Variants in SLC16A5 observed in about 807,000 individuals in gnomAD.
The protein encoded by SLC16A5 is monocarboxylate transporter 6.
Under a neutral mutation model 33.2 loss-of-function variants are expected in SLC16A5, and 29 were observed. The ratio of observed to expected loss-of-function variants is 0.87; its 90% CI spans 0.65 to 1.19. SLC16A5 has a LOEUF of 1.19. Ranked by LOEUF, SLC16A5 falls within the 50% of genes most tolerant of loss-of-function variation. The probability of loss-of-function intolerance (pLI) is 0.00; values close to 1 mark genes in which losing one functional copy is unlikely to be tolerated. For missense variants in SLC16A5, 606 were observed against 678.2 expected (o/e 0.89, Z 1.18); for synonymous variants, 248 against 284.1 (o/e 0.87, Z 1.28).
intron 3 of SLC16A5, among the ~76,000 whole-genome samples, chr17:75,097,012 G>A (rs1180079501): frequency 2.6e-5 from 4 of 151,168 alleles, no homozygotes; most frequent in South Asian, 2.1e-4. Context: ...TTTTAGTAGA[G>A]ATGGGGTTTC....
intron 4 of SLC16A5, among the ~76,000 whole-genome samples, chr17:75,098,964 G>C (rs929006178): frequency 1.3e-5 from 2 of 152,100 alleles, no homozygotes; most frequent in African/African-American, 4.8e-5. Context: ...TAGCAGGGCA[G>C]GCAAGGCATG....
intron 3 of SLC16A5, among the ~76,000 whole-genome samples, chr17:75,094,498 C>T (rs1342985947): frequency 6.6e-6 from 1 of 152,086 alleles, no homozygotes; most frequent in African/African-American, 2.4e-5. Context: ...ACCAGCCTGA[C>T]CAACATGGAG....
In SLC16A5 at chr17:75,100,829, G is replaced by A. The variant is rs1330694966; in HGVS notation, c.1153+13G>A. 8 of 1,562,968 alleles carry A rather than the reference G, an allele frequency of 5.1e-6. No individual in the cohort carries two copies. The highest frequency in any genetic ancestry group is 1.4e-5 in the African/African-American group (1 of 73,748). On this transcript the variant is annotated intron_variant, in intron 5 of 6. Transcript: ENST00000329783. Reference sequence around the variant, plus strand: ...CCACCACTGGCCGGTGAGGAGCTGGGAGGGAGGGCAGCCAGATAGTGTGGT... The same window carrying A: ...CCACCACTGGCCGGTGAGGAGCTGGAAGGGAGGGCAGCCAGATAGTGTGGT...
Position 75,096,147 on chromosome 17 carries a change from T to A in SLC16A5, c.200-1891T>A, listed in dbSNP as rs138708736. 2.0e-3 allele frequency among the ~76,000 whole-genome samples: 297 copies of A among 151,962 alleles called. 2 individuals carry two copies. In the South Asian group the frequency reaches 0.026, roughly 13 times the overall value. Reference sequence around the variant, plus strand: ...TTTAAACACGATGAATCATGGATACTTTCACTGATCCTTTCAAGTGCCCCT... The same window carrying A: ...TTTAAACACGATGAATCATGGATACATTCACTGATCCTTTCAAGTGCCCCT... On this transcript the variant is annotated intron_variant, in intron 3 of 6. Transcript: ENST00000329783.
intron 6 of SLC16A5, 181 bp from the exon 7 acceptor site, chr17:75,105,699 G>A: frequency 3.0e-6 from 3 of 985,436 alleles, no homozygotes; most frequent in Non-Finnish European, 3.6e-6. Context: ...GTTCCCTGCA[G>A]CAGGTCATAA....
At chr17:75,102,923 G>A (rs1188919212) in intron 5 of SLC16A5, among the ~76,000 whole-genome samples, 2 of 150,686 alleles carry the variant, frequency 1.3e-5, no homozygotes, top group African/African-American at 2.5e-5. Context: ...ACAGAGTCTC[G>A]CTCTATTGCC....
At chr17:75,101,873 G>A (rs1464547667) in intron 5 of SLC16A5, among the ~76,000 whole-genome samples, 1 of 152,114 alleles carries the variant, frequency 6.6e-6, no homozygotes, top group East Asian at 1.9e-4. Flanking sequence ...AGGCTCAAGT[G>A]ATCTGCCTCC....
At chr17:75,090,986 A>G (rs558444334) in intron 2 of SLC16A5, among the ~76,000 whole-genome samples, 1 of 152,356 alleles carries the variant, frequency 6.6e-6, no homozygotes, top group African/African-American at 2.4e-5. Flanking sequence ...AGACTTCTCC[A>G]TAGACTTCTT....
chr17:75,105,841 C>T (rs1233044503), intron 6 of SLC16A5, 39 bp from the exon 7 acceptor site: 13 of 1,526,484 alleles, frequency 8.5e-6, no homozygotes, highest in African/African-American at 1.4e-5. Flanking sequence ...CCAGGCTCCG[C>T]AAGAAAACCT....
intron 3 of SLC16A5, among the ~76,000 whole-genome samples, chr17:75,094,732 C>G (rs2073693277): frequency 6.6e-6 from 1 of 151,312 alleles, no homozygotes; most frequent in African/African-American, 2.4e-5. Context: ...AGGCAGGAGC[C>G]CCAGCTCTCC....
chr17:75,100,266 A>G lies in SLC16A5; in HGVS notation c.603A>G (p.Lys201=). 1 of 1,614,184 alleles carries G rather than the reference A, an allele frequency of 6.2e-7. No homozygotes were observed. Among genetic ancestry groups the G allele is most frequent in the Non-Finnish European group, 8.5e-7 (1 of 1,180,024 alleles). The change falls in exon 5 of 7, where the codon AAA becomes AAG. Residue 201 remains lysine (K), a synonymous_variant. Coordinates refer to ENST00000329783, the MANE Select transcript of SLC16A5 (RefSeq NM_004695.4). Reference sequence around the variant, plus strand: ...CCACCAGTGTGGCCCCTGAGACCAAAGAATGTCCCCCGCCACCTCCCGAGA... The same window carrying G: ...CCACCAGTGTGGCCCCTGAGACCAAGGAATGTCCCCCGCCACCTCCCGAGA... ...PVATSVAPET[K]ECPPPPPETP... is the part of the protein sequence containing the mutation.
intron 3 of SLC16A5, among the ~76,000 whole-genome samples, chr17:75,094,418 G>A (rs912701794): frequency 1.3e-5 from 2 of 152,226 alleles, no homozygotes; most frequent in African/African-American, 4.8e-5. Flanking sequence ...CGGGCGCGAT[G>A]GCTTACGCCT....
chr17:75,110,134 T>C (rs1252539923), downstream of SLC16A5: 2 of 680,280 alleles, frequency 2.9e-6, no homozygotes, highest in African/African-American at 3.6e-5. Context: ...CAGCTGCAAA[T>C]TACTGCAGAA....
At position 75,093,580 on chromosome 17, in the gene SLC16A5, C is replaced by T. The variant is rs192488829; in HGVS notation, c.-48-9C>T. ...CTGACCACCAGGCTCCATTCTGTCC[C>T]CTCCCCAGGCAGCAGCCACATTGGC... On this transcript the variant is annotated splice_polypyrimidine_tract_variant and intron_variant, in intron 2 of 6. Coordinates refer to ENST00000329783, the MANE Select transcript of SLC16A5 (RefSeq NM_004695.4). 2.6e-3 allele frequency: 4,143 copies of T among 1,568,158 alleles called. 91 individuals carry two copies. The African/African-American group carries it at 0.048, about 18-fold the overall frequency.
Position 75,100,007 on chromosome 17 carries a change from G to A in SLC16A5, c.344G>A (p.Gly115Asp). The stretch of plus-strand genomic sequence containing the variant: ...GCTGGTTTCCCCTCTTGCCCCGCAG[G>A]CCTGGGCATGTGCTTCAGCTTCCAG... ...QLYFTAGFIT[G>D]LGMCFSFQSS... Residue 115 changes from glycine (G) to aspartate (D), a missense_variant and splice_region_variant, in exon 5 of 7, where the codon GGC becomes GAC. Physicochemically the swap from Gly to Asp is moderately conservative, Grantham distance 94. Coordinates refer to ENST00000329783, the MANE Select transcript of SLC16A5 (RefSeq NM_004695.4). 6.2e-7 allele frequency: 1 copy of A among 1,608,430 alleles called. No homozygotes were observed. Among genetic ancestry groups the A allele is most frequent in the African/African-American group, 1.3e-5 (1 of 75,042 alleles).
intron 2 of SLC16A5, among the ~76,000 whole-genome samples, chr17:75,091,894 G>T (rs761466707): frequency 6.6e-6 from 1 of 152,162 alleles, no homozygotes; most frequent in Non-Finnish European, 1.5e-5. Flanking sequence ...TGAAAAAGGG[G>T]TCCAAACTTG....
intron 6 of SLC16A5, 66 bp from the exon 7 acceptor site, chr17:75,105,814 T>C: frequency 2.0e-6 from 3 of 1,477,684 alleles, no homozygotes; most frequent in Non-Finnish European, 2.7e-6. Context: ...GGATGTTGTT[T>C]GTTGATTCAG....
intron 4 of SLC16A5, 79 bp from the exon 5 acceptor site, chr17:75,099,928 A>G: frequency 7.5e-7 from 1 of 1,337,358 alleles, no homozygotes; most frequent in Non-Finnish European, 1.0e-6. Context: ...GGTGTGTGAA[A>G]TGACCACTGA....
intron 3 of SLC16A5, 36 bp downstream of exon 3, chr17:75,093,871 T>C: frequency 6.3e-7 from 1 of 1,594,904 alleles, no homozygotes; most frequent in South Asian, 1.1e-5. Flanking sequence ...GAGAAAGTCC[T>C]AGGGGTTGCG....
Sources: gnomAD v4.1 joint callset for allele counts (sites outside exome capture counted in the v4.1 genomes callset) on GRCh38, gnomAD v4.1.1 for gene constraint, MANE v1.5 for transcripts, NCBI Gene and HGNC (gene_info 2026-07-23, HGNC 2026-07-21) for gene names.